ERC2: variants seen among roughly 807,000 people sequenced by gnomAD.
ERC2 encodes ERC protein 2.
Under a neutral mutation model 114.8 loss-of-function variants are expected in ERC2, and 42 were observed. The ratio of observed to expected loss-of-function variants is 0.37; its 90% confidence interval spans 0.29 to 0.47. The LOEUF (loss-of-function observed/expected upper bound fraction) is 0.47. Ranked by LOEUF, ERC2 falls within the 20% of genes least tolerant of loss-of-function variation. The pLI is 0.99. For missense variants in ERC2, 939 were observed against 1,150.7 expected (o/e 0.82, Z 2.66); for synonymous variants, 454 against 425.5 (o/e 1.07, Z -0.82).
intron 17 of ERC2, among the ~76,000 whole-genome samples, chr3:55,649,910 C>G (rs566961288): frequency 1.3e-5 from 2 of 152,292 alleles, no homozygotes; most frequent in African/African-American, 4.8e-5. Flanking sequence ...ATTTTTAAAT[C>G]CACGTCGCTG....
intron 2 of ERC2, among the ~76,000 whole-genome samples, chr3:56,373,306 C>A (rs1190552376): frequency 6.6e-6 from 1 of 152,148 alleles, no homozygotes; most frequent in East Asian, 1.9e-4. Flanking sequence ...ATCACACTAC[C>A]ATTTGTGTGT....
chr3:56,046,312 G>C (rs1327757835), intron 7 of ERC2, among the ~76,000 whole-genome samples: 1 of 152,172 alleles, frequency 6.6e-6, no homozygotes, highest in Non-Finnish European at 1.5e-5. Flanking sequence ...CTGCCATTTA[G>C]GAGATACCCA....
At chr3:56,464,101 A>AT (rs1249716848) in intron 1 of ERC2, among the ~76,000 whole-genome samples, 10 of 152,218 alleles carry the variant, frequency 6.6e-5, no homozygotes, top group African/African-American at 2.2e-4. Context: ...GGGGATGAAA[A>AT]TTGCATTCCC....
At position 56,217,314 on chromosome 3, in the gene ERC2, G is replaced by A. The variant is rs568049295; in HGVS notation, c.1075-43794C>T. ...AAGTCTCAGGATACAAAATCAATGTGCAAAAATCACAAGCATTCTTATACA... is the reference window on the plus strand; with the variant it reads ...AAGTCTCAGGATACAAAATCAATGTACAAAAATCACAAGCATTCTTATACA... On this transcript the variant is annotated intron_variant, in intron 3 of 17. Transcript: ENST00000288221. Among the ~76,000 whole-genome samples the A allele has an allele frequency of 3.9e-3, 600 of 152,234 alleles. 4 individuals are homozygous for A. Among genetic ancestry groups the A allele is most frequent in the Non-Finnish European group, 6.1e-3 (412 of 68,024 alleles).
At chr3:55,570,979 A>G (rs1364815277) in intron 17 of ERC2, among the ~76,000 whole-genome samples, 2 of 152,090 alleles carry the variant, frequency 1.3e-5, no homozygotes, top group Non-Finnish European at 2.9e-5. Flanking sequence ...GATAAAAATT[A>G]GCTGGGCATG....
intron 12 of ERC2, among the ~76,000 whole-genome samples, chr3:55,969,875 G>T (rs2149483283): frequency 6.6e-6 from 1 of 152,166 alleles, no homozygotes; most frequent in South Asian, 2.1e-4. Context: ...TCATTTTATG[G>T]CACTATAAAA....
At chr3:55,879,630 G>A (rs1173304984) in intron 14 of ERC2, among the ~76,000 whole-genome samples, 4 of 152,278 alleles carry the variant, frequency 2.6e-5, no homozygotes, top group African/African-American at 9.6e-5. Context: ...ACACATACAT[G>A]TCTGTTAGGA....
At chr3:55,945,376 C>T (rs1053588901) in intron 13 of ERC2, among the ~76,000 whole-genome samples, 3 of 152,136 alleles carry the variant, frequency 2.0e-5, no homozygotes, top group African/African-American at 7.2e-5. Context: ...TTTAAAGTAA[C>T]AATTTTAAGC....
chr3:56,315,966 C>T (rs906093003), intron 2 of ERC2, among the ~76,000 whole-genome samples: 8 of 152,140 alleles, frequency 5.3e-5, no homozygotes, highest in African/African-American at 1.9e-4. Flanking sequence ...TAAGCCCTTA[C>T]TAACTCCAGG....
chr3:56,434,987 T>G lies in ERC2; in HGVS notation c.21A>C (p.Thr7=), dbSNP rs758946120. The G allele has an allele frequency of 6.2e-7, 1 of 1,610,732 alleles. No individual in the cohort carries two copies. Among genetic ancestry groups the G allele is most frequent in the Non-Finnish European group, 8.5e-7 (1 of 1,179,578 alleles). MYGSAR[T]ITNLEGSPSR... ...AAGGGCTACCTTCCAGATTGGTGAT[T>G]GTTCTTGCACTTCCATACATTTTTC... The change falls in exon 2 of 18, where the codon ACA becomes ACC. Residue 7 remains threonine (T), a synonymous_variant. Coordinates refer to ENST00000288221, the MANE Select transcript of ERC2 (RefSeq NM_015576.3).
intron 14 of ERC2, among the ~76,000 whole-genome samples, chr3:55,787,587 C>T (rs769491199): frequency 7.2e-5 from 11 of 152,116 alleles, no homozygotes; most frequent in South Asian, 2.1e-4. Flanking sequence ...TATATTTTAC[C>T]TCTTTAGAGC....
chr3:56,034,481 T>G (rs2074667772), intron 7 of ERC2, among the ~76,000 whole-genome samples: 2 of 152,146 alleles, frequency 1.3e-5, no homozygotes, highest in Admixed American at 1.3e-4. Context: ...ATAGACCAAG[T>G]GGGCCTAACA....
At chr3:56,297,506 G>A (rs559724351) in intron 2 of ERC2, among the ~76,000 whole-genome samples, 32 of 152,214 alleles carry the variant, frequency 2.1e-4, no homozygotes, top group African/African-American at 2.2e-4. Flanking sequence ...AAAGGCACCC[G>A]TGCTTGAAGA....
chr3:56,293,033 T>C (rs115373650), intron 3 of ERC2, among the ~76,000 whole-genome samples: 1,788 of 152,346 alleles, frequency 0.012, 29 homozygotes, highest in African/African-American at 0.041. Flanking sequence ...TTATCATTGC[T>C]ATATCCCAAA....
intron 17 of ERC2, among the ~76,000 whole-genome samples, chr3:55,560,639 C>T (rs903892706): frequency 6.6e-6 from 1 of 152,164 alleles, no homozygotes; most frequent in Non-Finnish European, 1.5e-5. Flanking sequence ...CACTCCGTGT[C>T]CACATGGAGT....
chr3:56,045,808 T>C (rs2075425807), intron 7 of ERC2, among the ~76,000 whole-genome samples: 1 of 152,110 alleles, frequency 6.6e-6, no homozygotes, highest in Non-Finnish European at 1.5e-5. Context: ...CAGCAACTTC[T>C]GAGACACACC....
chr3:56,313,013 T>TATATA (rs2056675608), intron 2 of ERC2, among the ~76,000 whole-genome samples: 1 of 119,902 alleles, frequency 8.3e-6, no homozygotes, highest in Non-Finnish European at 1.8e-5. Context: ...TATATATATA[T>TATATA]ATATATATAT....
At chr3:55,953,487 CA>C (rs2067720055) in intron 12 of ERC2, among the ~76,000 whole-genome samples, 1 of 152,140 alleles carries the variant, frequency 6.6e-6, no homozygotes, top group Admixed American at 6.5e-5. Flanking sequence ...ACAGTTTTCA[CA>C]CATATTTCTA....
chr3:55,965,902 G>C (rs182442503), intron 12 of ERC2, among the ~76,000 whole-genome samples: 1 of 152,132 alleles, frequency 6.6e-6, no homozygotes, highest in East Asian at 1.9e-4. Flanking sequence ...CAGAATTATC[G>C]GCAAAGAGGG....
Sources: allele counts gnomAD v4.1 joint callset (sites outside exome capture counted in the v4.1 genomes callset), GRCh38; gene constraint gnomAD v4.1.1; transcripts MANE v1.5; gene names NCBI Gene and HGNC (gene_info 2026-07-23, HGNC 2026-07-21).